The following PDGFC variants were observed in gnomAD, a reference collection of about 807,000 sequenced individuals.
PDGFC encodes platelet-derived growth factor C.
A neutral mutation model predicts 35.5 loss-of-function variants in PDGFC; 12 were observed. That is an observed-to-expected ratio of 0.34 (90% CI 0.22 to 0.55). The LOEUF (loss-of-function observed/expected upper bound fraction) is 0.55. Ranked by LOEUF, PDGFC falls within the 20% of genes least tolerant of loss-of-function variation. The pLI, the probability that PDGFC is intolerant of heterozygous loss-of-function variation, is 0.91. For missense variants in PDGFC, 322 were observed against 412.4 expected (o/e 0.78, Z 1.90); for synonymous variants, 159 against 148.8 (o/e 1.07, Z -0.50).
intron 1 of PDGFC, chr4:156,876,555 G>A (rs886263407): frequency 1.9e-4 from 29 of 152,140 alleles, no homozygotes; most frequent in Admixed American, 9.8e-4. Context: ...GCAGGGGCAG[G>A]GTTTATATAT....
At chr4:156,782,503 G>C (rs114590120) in intron 3 of PDGFC, among the ~76,000 whole-genome samples, 271 of 152,224 alleles carry the variant, frequency 1.8e-3, no homozygotes, top group African/African-American at 6.3e-3. Context: ...TTTGTGAAGT[G>C]TTTGGGCATT....
Position 156,903,111 on chromosome 4 carries a change from G to GTGTGTGTGTGTGTGTA in PDGFC, c.119-52696_119-52695insTACACACACACACACA, listed in dbSNP as rs1167199967. Among the ~76,000 whole-genome samples, 245 of 139,502 alleles carry GTGTGTGTGTGTGTGTA rather than the reference G, an allele frequency of 1.8e-3. 1 individual carries two copies. The highest frequency in any genetic ancestry group is 5.1e-3 in the African/African-American group (204 of 40,164). The allele number at this position is 139,502 out of a possible 152,430, so 91.5% of individuals were successfully genotyped here. ...AGAGAGAGAGAGAGAGAGAGTGTGT[G>GTGTGTGTGTGTGTGTA]TGTGTGTGTGTGTGTGTGTGTATAA... On this transcript the variant is annotated intron_variant, in intron 1 of 5. Coordinates refer to ENST00000502773, the MANE Select transcript of PDGFC (RefSeq NM_016205.3).
At chr4:156,766,906 A>G (rs2110794393) in intron 5 of PDGFC, among the ~76,000 whole-genome samples, 1 of 152,296 alleles carries the variant, frequency 6.6e-6, no homozygotes, top group South Asian at 2.1e-4. Flanking sequence ...ATCTTGATGC[A>G]TATGAAAAAT....
intron 1 of PDGFC, among the ~76,000 whole-genome samples, chr4:156,875,606 A>G (rs1387370654): frequency 6.6e-6 from 1 of 152,222 alleles, no homozygotes; most frequent in Non-Finnish European, 1.5e-5. Context: ...CATATCGGAA[A>G]GAAAAACATC....
intron 1 of PDGFC, among the ~76,000 whole-genome samples, chr4:156,890,397 C>T (rs868535576): frequency 5.9e-5 from 9 of 152,158 alleles, no homozygotes; most frequent in Non-Finnish European, 8.8e-5. Flanking sequence ...CTGTGTACCT[C>T]CTCATGCCAG....
At chr4:156,764,872 C>A (rs1484440222) in intron 5 of PDGFC, among the ~76,000 whole-genome samples, 6 of 151,980 alleles carry the variant, frequency 3.9e-5, no homozygotes, top group African/African-American at 1.5e-4. Flanking sequence ...AGATAAATTG[C>A]AATATTGGCA....
intron 1 of PDGFC, among the ~76,000 whole-genome samples, chr4:156,900,901 G>A (rs968170737): frequency 3.6e-5 from 5 of 140,096 alleles, no homozygotes; most frequent in African/African-American, 5.2e-5. Flanking sequence ...GGGAAGGAGG[G>A]AGGAAGGGAG....
chr4:156,942,672 A>T (rs1731837351), intron 1 of PDGFC, among the ~76,000 whole-genome samples: 1 of 149,090 alleles, frequency 6.7e-6, no homozygotes. Context: ...AAAGGAATAG[A>T]TGTATATAAT....
chr4:156,771,079 A>G (rs1363000898), intron 4 of PDGFC, among the ~76,000 whole-genome samples: 1 of 152,196 alleles, frequency 6.6e-6, no homozygotes, highest in Non-Finnish European at 1.5e-5. Context: ...TTGCATGCTT[A>G]AAAAGTTAAT....
chr4:156,905,642 G>A (rs1416329368), intron 1 of PDGFC, among the ~76,000 whole-genome samples: 1 of 152,032 alleles, frequency 6.6e-6, no homozygotes, highest in Non-Finnish European at 1.5e-5. Flanking sequence ...TAGAAAATAT[G>A]TCTCTAGTTC....
At chr4:156,892,824 T>C (rs1244345298) in intron 1 of PDGFC, among the ~76,000 whole-genome samples, 1 of 152,204 alleles carries the variant, frequency 6.6e-6, no homozygotes, top group Non-Finnish European at 1.5e-5. Flanking sequence ...TCAATAGTTA[T>C]CACTAAAGCT....
chr4:156,864,226 C>T (rs891749461), intron 1 of PDGFC, among the ~76,000 whole-genome samples: 6 of 152,200 alleles, frequency 3.9e-5, no homozygotes, highest in Middle Eastern at 3.4e-3. Context: ...ACTACCATTG[C>T]TTACTGAAGG....
chr4:156,825,659 T>C (rs1732447101), intron 2 of PDGFC, among the ~76,000 whole-genome samples: 1 of 142,386 alleles, frequency 7.0e-6, no homozygotes, highest in Non-Finnish European at 1.5e-5. Flanking sequence ...AGAAGGGCTA[T>C]AAATATATTC....
rs565110922 is a variant in PDGFC, at chr4:156,866,070, AGCAT to A, written c.119-15658_119-15655del. 7.7e-4 allele frequency among the ~76,000 whole-genome samples: 117 copies of A among 152,246 alleles called. 1 individual carries two copies. Among genetic ancestry groups the A allele is most frequent in the African/African-American group, 2.7e-3 (114 of 41,550 alleles). ...TGCTGCACCCATTAACGTGTCATTT[AGCAT>A]TAGGTATATCTCCTAAGGCTATCCC... On this transcript the variant is annotated intron_variant, in intron 1 of 5. Coordinates refer to ENST00000502773, the MANE Select transcript of PDGFC (RefSeq NM_016205.3).
At chr4:156,900,061 C>G (rs1560863900) in intron 1 of PDGFC, among the ~76,000 whole-genome samples, 1 of 152,128 alleles carries the variant, frequency 6.6e-6, no homozygotes, top group Non-Finnish European at 1.5e-5. Context: ...AAGTAATAAA[C>G]AGAAAACTTG....
intron 1 of PDGFC, among the ~76,000 whole-genome samples, chr4:156,890,402 T>C (rs1425546997): frequency 2.0e-5 from 3 of 152,180 alleles, no homozygotes; most frequent in Non-Finnish European, 1.5e-5. Context: ...TACCTCCTCA[T>C]GCCAGGCTAT....
intron 5 of PDGFC, 101 bp downstream of exon 5, chr4:156,767,672 T>TG: frequency 1.4e-6 from 1 of 722,216 alleles, no homozygotes; most frequent in South Asian, 1.7e-5. Flanking sequence ...TCCCCATGAA[T>TG]ACTACGTCTT....
intron 2 of PDGFC, among the ~76,000 whole-genome samples, chr4:156,818,998 C>T (rs983242181): frequency 6.6e-6 from 1 of 152,104 alleles, no homozygotes; most frequent in Non-Finnish European, 1.5e-5. Context: ...AAAAAATGTG[C>T]CACAGCATTC....
In PDGFC at chr4:156,761,139, A is replaced by G. The variant is rs1730365828; in HGVS notation, c.*1951T>C. ...CCCTGGACACTAGACATCTCTGCCA[A>G]GTTGAAAGGCTGAGGAAAGGATGCT... On this transcript the variant is annotated 3_prime_UTR_variant, in exon 6 of 6. Coordinates refer to ENST00000502773, the MANE Select transcript of PDGFC (RefSeq NM_016205.3). 2.0e-5 allele frequency: 3 copies of G among 152,424 alleles called. No homozygotes were observed. In the South Asian group the frequency reaches 6.2e-4, roughly 32 times the overall value. 9.4% of individuals were successfully genotyped at this position (152,424 alleles called of 1,614,324 possible). A position where few individuals can be genotyped will look rare whatever the true frequency, so the allele number is the denominator to read the frequency against.
Sources: allele counts gnomAD v4.1 joint callset (sites outside exome capture counted in the v4.1 genomes callset), GRCh38; gene constraint gnomAD v4.1.1; transcripts MANE v1.5; gene names NCBI Gene and HGNC (gene_info 2026-07-23, HGNC 2026-07-21).